RAB6B: variants seen among roughly 807,000 people sequenced by gnomAD.
The protein encoded by RAB6B is ras-related protein Rab-6B.
Under a neutral mutation model 31.2 loss-of-function variants are expected in RAB6B, and 7 were observed. That is an observed-to-expected ratio of 0.22 (90% confidence interval 0.13 to 0.42). The LOEUF (loss-of-function observed/expected upper bound fraction) is 0.42, where lower values mean the gene tolerates loss of function less well. Among genes scored for constraint, RAB6B ranks in the 10% least tolerant of loss-of-function variants. The pLI is 1.00. For synonymous variants in RAB6B, 105 were observed against 104.9 expected (o/e 1.00, Z -0.01); for missense variants, 149 against 280.6 (o/e 0.53, Z 3.35).
At chr3:133,885,769 C>T (rs1000869863) in intron 1 of RAB6B, 1 of 603,264 alleles carries the variant, frequency 1.7e-6, no homozygotes, top group South Asian at 2.0e-5. Context: ...CCCTACAATC[C>T]TTCATTGTTC....
chr3:133,837,036 C>T (rs1459920449), intron 6 of RAB6B, among the ~76,000 whole-genome samples: 5 of 152,244 alleles, frequency 3.3e-5, no homozygotes, highest in African/African-American at 1.2e-4. Context: ...AGGGCAGAAG[C>T]GACCGCCAGG....
chr3:133,838,270 G>C lies in RAB6B; in HGVS notation c.402-11C>G, dbSNP rs754314699. On this transcript the variant is annotated splice_polypyrimidine_tract_variant and intron_variant, in intron 5 of 7. Transcript: ENST00000285208. ...TCGATGGTTATCTGCCTAGAGATGAGGGGAAGGGGGGAAATCAGCTCAGCA... is the reference window on the plus strand; with the variant it reads ...TCGATGGTTATCTGCCTAGAGATGACGGGAAGGGGGGAAATCAGCTCAGCA... The C allele has an allele frequency of 2.5e-6, 4 of 1,609,388 alleles. No homozygotes were observed. The highest frequency in any genetic ancestry group is 3.4e-6 in the Non-Finnish European group (4 of 1,175,744).
intron 1 of RAB6B, chr3:133,885,568 A>G: frequency 1.4e-6 from 1 of 703,034 alleles, no homozygotes. Flanking sequence ...TGCCACATCC[A>G]ACCTGAGCAG....
chr3:133,828,941 CTG>C (rs1935616533), intron 7 of RAB6B, 89 bp from the exon 8 acceptor site: 1 of 1,235,536 alleles, frequency 8.1e-7, no homozygotes, highest in South Asian at 1.5e-5. Context: ...GGCTACTGCT[CTG>C]TTTCTCTGCA....
intron 1 of RAB6B, among the ~76,000 whole-genome samples, chr3:133,868,753 C>T (rs758768238): frequency 6.6e-6 from 1 of 152,180 alleles, no homozygotes; most frequent in African/African-American, 2.4e-5. Context: ...AAATTCATTA[C>T]TGAGCATTTA....
At chr3:133,874,562 A>G (rs1936366603) in intron 1 of RAB6B, among the ~76,000 whole-genome samples, 1 of 152,248 alleles carries the variant, frequency 6.6e-6, no homozygotes, top group Non-Finnish European at 1.5e-5. Flanking sequence ...TAAATGTGAA[A>G]GCCTATGACA....
At chr3:133,832,632 C>T (rs185531459) in intron 7 of RAB6B, among the ~76,000 whole-genome samples, 19 of 152,334 alleles carry the variant, frequency 1.2e-4, no homozygotes, top group African/African-American at 3.4e-4. Flanking sequence ...AGCAGAATGA[C>T]GGCTGCCTCT....
intron 1 of RAB6B, among the ~76,000 whole-genome samples, chr3:133,876,192 A>G (rs1181418102): frequency 6.6e-6 from 1 of 152,170 alleles, no homozygotes; most frequent in East Asian, 1.9e-4. Context: ...GTAAGACTCT[A>G]CCAGATTCAA....
chr3:133,831,852 A>G (rs1228888835), intron 7 of RAB6B, among the ~76,000 whole-genome samples: 2 of 152,202 alleles, frequency 1.3e-5, no homozygotes, highest in Admixed American at 6.5e-5. Flanking sequence ...GGGCCCAGAC[A>G]GCCTGTTACA....
intron 2 of RAB6B, among the ~76,000 whole-genome samples, chr3:133,843,159 T>A (rs1487827611): frequency 1.3e-5 from 2 of 152,238 alleles, no homozygotes; most frequent in Non-Finnish European, 2.9e-5. Context: ...CTCTGGAGCA[T>A]ACGATGCTAG....
At chr3:133,875,933 G>A (rs1485744861) in intron 1 of RAB6B, among the ~76,000 whole-genome samples, 3 of 152,108 alleles carry the variant, frequency 2.0e-5, no homozygotes, top group Non-Finnish European at 4.4e-5. Flanking sequence ...AGTACTATCC[G>A]GCATGCGACT....
intron 4 of RAB6B, among the ~76,000 whole-genome samples, chr3:133,840,891 C>A (rs1935816191): frequency 6.6e-6 from 1 of 152,174 alleles, no homozygotes; most frequent in African/African-American, 2.4e-5. Context: ...GGCCTAGGGA[C>A]CAGCGTCTTC....
In RAB6B at chr3:133,826,567, GA is replaced by G. The variant is rs1935566688; in HGVS notation, c.*2220del. 1 of 152,650 alleles carries G rather than the reference GA, an allele frequency of 6.6e-6. No individual in the cohort carries two copies. The highest frequency in any genetic ancestry group is 2.1e-4 in the South Asian group (1 of 4,828). 9.5% of individuals were successfully genotyped at this position (152,650 alleles called of 1,614,324 possible). A position where few individuals can be genotyped will look rare whatever the true frequency, so the allele number is the denominator to read the frequency against. On this transcript the variant is annotated 3_prime_UTR_variant, in exon 8 of 8. Transcript: ENST00000285208. ...CATGTGGACTCCTGTAAATTCTCTC[GA>G]GGTAAGTAAGCACTCTTCCAACAAG...
In RAB6B at chr3:133,858,184, C is replaced by T. The variant is rs1169078065; in HGVS notation, c.129+6400G>A. 2.6e-5 allele frequency among the ~76,000 whole-genome samples: 4 copies of T among 152,292 alleles called. No homozygotes were observed. In the East Asian group the frequency reaches 5.8e-4, roughly 22 times the overall value. ...CTGGGGCCAACTCACCCACCAGGCA[C>T]GAGGGGCACAGAGCCCAGTGCCCGT... is the stretch of plus-strand genomic sequence containing the variant. On this transcript the variant is annotated intron_variant, in intron 2 of 7. Transcript: ENST00000285208.
chr3:133,842,612 G>A (rs772006993), intron 2 of RAB6B, among the ~76,000 whole-genome samples: 21 of 152,112 alleles, frequency 1.4e-4, no homozygotes, highest in Admixed American at 5.2e-4. Context: ...TTGGGGAAAC[G>A]GTTATCCAGT....
chr3:133,846,782 A>G (rs780311668), intron 2 of RAB6B, among the ~76,000 whole-genome samples: 7 of 152,242 alleles, frequency 4.6e-5, no homozygotes, highest in Non-Finnish European at 8.8e-5. Context: ...CAAGGGAACA[A>G]CGTCTCTAAA....
intron 2 of RAB6B, among the ~76,000 whole-genome samples, chr3:133,845,954 C>T (rs1935903741): frequency 6.6e-6 from 1 of 151,990 alleles, no homozygotes; most frequent in Non-Finnish European, 1.5e-5. Context: ...GTATTTTTAA[C>T]ACTAAAAACT....
Position 133,881,712 on chromosome 3 carries a change from T to C in RAB6B, c.70+13685A>G, listed in dbSNP as rs114254176. 3.7e-3 allele frequency among the ~76,000 whole-genome samples: 562 copies of C among 152,200 alleles called. 3 individuals carry two copies. Among genetic ancestry groups the C allele is most frequent in the African/African-American group, 0.013 (521 of 41,530 alleles). On this transcript the variant is annotated intron_variant, in intron 1 of 7. Coordinates refer to ENST00000285208, the MANE Select transcript of RAB6B (RefSeq NM_016577.4). ...AAGACAGAACAGGAAGAAAGAACAA[T>C]AGCAGATCAAGAACCAGGGCCTGAC...
At position 133,895,550 on chromosome 3, in the gene RAB6B, G is replaced by A; in HGVS notation, c.-84C>T. ...GGAGAGTAGGAGGGCGAGGGGAGGC[G>A]GCCGGCGGTGCGGGAGCCGGAGGGG... On this transcript the variant is annotated 5_prime_UTR_variant, in exon 1 of 8. Transcript: ENST00000285208. 1.4e-6 allele frequency: 2 copies of A among 1,423,114 alleles called. No individual in the cohort carries two copies. Among genetic ancestry groups the A allele is most frequent in the Non-Finnish European group, 2.0e-6 (2 of 1,023,612 alleles). The allele number at this position is 1,423,114 out of a possible 1,614,324, so 88.2% of individuals were successfully genotyped here. A position where few individuals can be genotyped will look rare whatever the true frequency, so the allele number is the denominator to read the frequency against.
Sources: allele counts gnomAD v4.1 joint callset (sites outside exome capture counted in the v4.1 genomes callset), GRCh38; gene constraint gnomAD v4.1.1; transcripts MANE v1.5; gene names NCBI Gene and HGNC (gene_info 2026-07-23, HGNC 2026-07-21).